The following CHCHD3 variants were observed in gnomAD, a reference collection of about 807,000 sequenced individuals.
The protein encoded by CHCHD3 is MICOS complex subunit MIC19.
Under a neutral mutation model 38.2 loss-of-function variants are expected in CHCHD3, and 20 were observed. That is an observed-to-expected ratio of 0.52 (90% CI 0.37 to 0.76). The LOEUF (loss-of-function observed/expected upper bound fraction) is 0.76, where lower values mean the gene tolerates loss of function less well. Ranked by LOEUF, CHCHD3 falls within the 30% of genes least tolerant of loss-of-function variation. The pLI, the probability that CHCHD3 is intolerant of heterozygous loss-of-function variation, is 0.00. For synonymous variants in CHCHD3, 82 were observed against 100.0 expected, an observed-to-expected ratio of 0.82 and a Z score of 1.07; for missense variants, 245 against 279.2, an observed-to-expected ratio of 0.88 and a Z score of 0.87.
At chr7:133,023,957 T>C (rs572466856) in intron 3 of CHCHD3, among the ~76,000 whole-genome samples, 65 of 152,312 alleles carry the variant, frequency 4.3e-4, no homozygotes, top group African/African-American at 1.4e-3. Flanking sequence ...TTGTTAGTAG[T>C]ATTAATAATG....
chr7:133,067,257 T>C (rs574809784), intron 2 of CHCHD3, among the ~76,000 whole-genome samples: 1 of 151,088 alleles, frequency 6.6e-6, no homozygotes, highest in African/African-American at 2.4e-5. Flanking sequence ...GCTAACTCCG[T>C]AACACAGGAG....
chr7:132,912,019 A>G (rs1809964607), intron 4 of CHCHD3, among the ~76,000 whole-genome samples: 1 of 152,202 alleles, frequency 6.6e-6, no homozygotes, highest in South Asian at 2.1e-4. Flanking sequence ...CGTGAATTAC[A>G]TCGGCCAAAC....
At chr7:132,866,992 G>T (rs899168603) in intron 5 of CHCHD3, among the ~76,000 whole-genome samples, 26 of 152,126 alleles carry the variant, frequency 1.7e-4, no homozygotes, top group Non-Finnish European at 1.5e-5. Context: ...ATCCAAAACA[G>T]CATCACGCAC....
At position 133,073,784 on chromosome 7, in the gene CHCHD3, T is replaced by C. The variant is rs1264093489; in HGVS notation, c.82-3555A>G. 4.6e-5 allele frequency among the ~76,000 whole-genome samples: 7 copies of C among 152,336 alleles called. No homozygotes were observed. In the East Asian group the frequency reaches 9.6e-4, roughly 21 times the overall value. ...AATTCTTCAATAGCTACTGTCTGTT[T>C]ACAGAAAAATTCAAATTCTTTGTAC... On this transcript the variant is annotated intron_variant, in intron 1 of 7. Coordinates refer to ENST00000262570, the MANE Select transcript of CHCHD3 (RefSeq NM_017812.4).
Position 132,796,518 on chromosome 7 carries a change from C to A in CHCHD3, c.584G>T (p.Arg195Leu). 1 of 1,613,800 alleles carries A rather than the reference C, an allele frequency of 6.2e-7. No individual in the cohort carries two copies. Among genetic ancestry groups the A allele is most frequent in the Middle Eastern group, 1.7e-4 (1 of 6,058 alleles). The change falls in exon 7 of 8, where the codon CGT becomes CTT. Residue 195 changes from arginine (R) to leucine (L), a missense_variant. Transcript: ENST00000262570. ...TTTGAGGGTCTGGTGGGTGTTCTCACGGTAACACTGAAGAATTTTGGCCTG... is the reference window on the plus strand; with the variant it reads ...TTTGAGGGTCTGGTGGGTGTTCTCAAGGTAACACTGAAGAATTTTGGCCTG... Reference protein sequence around the residue: ...DLQAKILQCYRENTHQTLKCS... With the variant: ...DLQAKILQCYLENTHQTLKCS...
intron 3 of CHCHD3, among the ~76,000 whole-genome samples, chr7:133,012,824 A>AGGGAG (rs1281451205): frequency 0.015 from 916 of 62,304 alleles, 24 homozygotes; most frequent in African/African-American, 0.056. Context: ...GGGGAGGGGA[A>AGGGAG]GGGAGGGGAG....
intron 4 of CHCHD3, among the ~76,000 whole-genome samples, chr7:132,891,258 C>A (rs960456022): frequency 7.9e-5 from 12 of 152,142 alleles, no homozygotes; most frequent in African/African-American, 2.9e-4. Flanking sequence ...GTTTTCCAAA[C>A]CATATCAGAG....
At chr7:132,958,128 G>A (rs1811226640) in intron 4 of CHCHD3, among the ~76,000 whole-genome samples, 2 of 152,294 alleles carry the variant, frequency 1.3e-5, no homozygotes, top group Admixed American at 1.3e-4. Flanking sequence ...CGGCCTGAAT[G>A]TATGACGGGC....
At chr7:132,959,474 A>G (rs1339818160) in intron 4 of CHCHD3, among the ~76,000 whole-genome samples, 6 of 152,088 alleles carry the variant, frequency 3.9e-5, no homozygotes, top group Admixed American at 6.6e-5. Flanking sequence ...TATAATCCCA[A>G]CACTTTGGGA....
At chr7:133,077,488 A>G (rs1158081040) in intron 1 of CHCHD3, among the ~76,000 whole-genome samples, 2 of 152,258 alleles carry the variant, frequency 1.3e-5, no homozygotes, top group Non-Finnish European at 2.9e-5. Flanking sequence ...GCAACTTTAA[A>G]GCCCAGCTGC....
At chr7:133,069,097 AAG>A (rs1451646154) in intron 2 of CHCHD3, among the ~76,000 whole-genome samples, 1 of 152,094 alleles carries the variant, frequency 6.6e-6, no homozygotes, top group Non-Finnish European at 1.5e-5. Flanking sequence ...AAGGAAAACC[AAG>A]AGTGTGGTCC....
intron 5 of CHCHD3, among the ~76,000 whole-genome samples, chr7:132,839,850 T>TC (rs1807892975): frequency 6.6e-6 from 1 of 152,208 alleles, no homozygotes; most frequent in Admixed American, 6.5e-5. Context: ...CAACCTATAG[T>TC]CCCCTACGAT....
chr7:133,015,954 G>A (rs1382814565), intron 3 of CHCHD3, among the ~76,000 whole-genome samples: 1 of 73,428 alleles, frequency 1.4e-5, no homozygotes, highest in African/African-American at 5.8e-5. Flanking sequence ...GAAAGAGGGA[G>A]AGGGACTGTC....
At chr7:132,974,410 C>T (rs1811704646) in intron 4 of CHCHD3, among the ~76,000 whole-genome samples, 1 of 152,154 alleles carries the variant, frequency 6.6e-6, no homozygotes, top group Admixed American at 6.5e-5. Context: ...CCCCAAGGCC[C>T]TGGCTCTACA....
intron 2 of CHCHD3, among the ~76,000 whole-genome samples, chr7:133,036,511 T>C (rs545709043): frequency 1.2e-3 from 178 of 152,220 alleles, no homozygotes; most frequent in African/African-American, 3.9e-3. Flanking sequence ...TACCATAGGA[T>C]TGTGAAATAA....
At chr7:132,797,727 CA>C (rs1170269240) in intron 6 of CHCHD3, among the ~76,000 whole-genome samples, 1 of 151,986 alleles carries the variant, frequency 6.6e-6, no homozygotes, top group African/African-American at 2.4e-5. Context: ...TATGTGAGAC[CA>C]AATGTAAATG....
intron 2 of CHCHD3, among the ~76,000 whole-genome samples, chr7:133,044,325 T>G (rs545733069): frequency 4.8e-4 from 73 of 152,356 alleles, no homozygotes; most frequent in Non-Finnish European, 6.8e-4. Flanking sequence ...TCCAAAACAT[T>G]GTCATTTAAG....
intron 5 of CHCHD3, among the ~76,000 whole-genome samples, chr7:132,881,402 A>C (rs1441009672): frequency 6.6e-6 from 1 of 152,162 alleles, no homozygotes; most frequent in Non-Finnish European, 1.5e-5. Flanking sequence ...TCATACTCTC[A>C]AAAGAAATCT....
intron 2 of CHCHD3, among the ~76,000 whole-genome samples, chr7:133,041,210 T>C (rs571380637): frequency 3.3e-5 from 5 of 152,310 alleles, no homozygotes; most frequent in East Asian, 1.9e-4. Context: ...GGTAATAAGA[T>C]TGTTGTGAGA....
Sources: gnomAD v4.1 joint callset for allele counts (sites outside exome capture counted in the v4.1 genomes callset) on GRCh38, gnomAD v4.1.1 for gene constraint, MANE v1.5 for transcripts, NCBI Gene and HGNC (gene_info 2026-07-23, HGNC 2026-07-21) for gene names.